Variants in DLC1 observed in about 807,000 individuals in gnomAD.
DLC1 encodes rho GTPase-activating protein 7.
In DLC1, 54 loss-of-function variants were observed where a neutral mutation model predicts 140.3. The ratio of observed to expected loss-of-function variants is 0.38; its 90% CI spans 0.31 to 0.48. The LOEUF (loss-of-function observed/expected upper bound fraction) is 0.48, where lower values mean the gene tolerates loss of function less well. DLC1 is among the 20% of genes least tolerant of loss of function. The pLI, the probability that DLC1 is intolerant of heterozygous loss-of-function variation, is 0.96. For synonymous variants in DLC1, 986 were observed against 728.1 expected, an observed-to-expected ratio of 1.35 and a Z score of -5.70; for missense variants, 2,536 against 1,907.0, an observed-to-expected ratio of 1.33 and a Z score of -6.14.
At chr8:13,185,285 T>TA (rs1278113730) in intron 5 of DLC1, among the ~76,000 whole-genome samples, 1 of 140,588 alleles carries the variant, frequency 7.1e-6, no homozygotes, top group African/African-American at 2.7e-5. Context: ...TCTTTTCTGT[T>TA]TTTTTTGTTT....
intron 2 of DLC1, among the ~76,000 whole-genome samples, chr8:13,418,426 T>C (rs1838169323): frequency 6.6e-6 from 1 of 152,212 alleles, no homozygotes. Context: ...TTCAGCTTTC[T>C]ACATAAGGCT....
In DLC1 at chr8:13,592,111, G is replaced by A. The variant is rs181672930; in HGVS notation, c.-126+12426C>T. The stretch of plus-strand genomic sequence containing the variant: ...ACATAGGGCCCCAGGACAGTCCAGC[G>A]TTTAGAATTTAAAGAGAGCAAGGGG... On this transcript the variant is annotated intron_variant, in intron 1 of 1. Coordinates refer to the DLC1 transcript ENST00000631382. 7.6e-4 allele frequency among the ~76,000 whole-genome samples: 115 copies of A among 152,090 alleles called. No homozygotes were observed. In the Middle Eastern group the frequency reaches 0.017, roughly 22 times the overall value.
chr8:13,577,476 A>C (rs555333162), intron 1 of DLC1, among the ~76,000 whole-genome samples: 2 of 152,236 alleles, frequency 1.3e-5, no homozygotes, highest in Admixed American at 6.5e-5. Flanking sequence ...TTCTCTTCAG[A>C]TTTTACGTAT....
intron 5 of DLC1, among the ~76,000 whole-genome samples, chr8:13,218,519 A>G (rs2117138478): frequency 6.6e-6 from 1 of 152,142 alleles, no homozygotes; most frequent in Admixed American, 6.6e-5. Flanking sequence ...ATACATGAAA[A>G]GATGCTCAGG....
At chr8:13,498,836 A>T in intron 2 of DLC1, 1 of 533,340 alleles carries the variant, frequency 1.9e-6, no homozygotes, top group African/African-American at 1.9e-5. Context: ...ATAAACCATT[A>T]TACACATTAT....
In DLC1 at chr8:13,604,146, G is replaced by T. The variant is rs563431773; in HGVS notation, c.-126+391C>A. Among the ~76,000 whole-genome samples the T allele has an allele frequency of 1.1e-3, 162 of 152,086 alleles. 2 individuals carry two copies. Among genetic ancestry groups the T allele is most frequent in the Middle Eastern group, 6.8e-3 (2 of 294 alleles). On this transcript the variant is annotated intron_variant, in intron 1 of 1. Transcript: ENST00000631382. ...TAGAGGTAGAAACAAAAGTAAAATT[G>T]AAAACTCCAACACATTATCATCTCC...
At chr8:13,553,577 C>G (rs1225635593) in intron 1 of DLC1, among the ~76,000 whole-genome samples, 1 of 151,886 alleles carries the variant, frequency 6.6e-6, no homozygotes, top group East Asian at 2.0e-4. Flanking sequence ...GTCTCAAACT[C>G]CTGGGCTCTG....
chr8:13,276,718 T>A, intron 5 of DLC1: 1 of 568,904 alleles, frequency 1.8e-6, no homozygotes, highest in Non-Finnish European at 2.3e-6. Context: ...GGGCTGCTCC[T>A]GGGTCACATA....
intron 2 of DLC1, among the ~76,000 whole-genome samples, chr8:13,462,527 C>A (rs2117029539): frequency 6.6e-6 from 1 of 151,812 alleles, no homozygotes; most frequent in East Asian, 2.0e-4. Flanking sequence ...CCCCAGCCTC[C>A]CGAGTAGGTG....
At chr8:13,309,854 C>T (rs937968314) in intron 4 of DLC1, among the ~76,000 whole-genome samples, 1 of 152,154 alleles carries the variant, frequency 6.6e-6, no homozygotes, top group Non-Finnish European at 1.5e-5. Context: ...TCAATTGAAA[C>T]ATTCTAATTG....
Position 13,365,779 on chromosome 8 carries a change from T to A in DLC1, c.1314+27774A>T, listed in dbSNP as rs560688580. On this transcript the variant is annotated intron_variant, in intron 4 of 17. Coordinates refer to ENST00000276297, the MANE Select transcript of DLC1 (RefSeq NM_182643.3). Reference sequence around the variant, plus strand: ...GAATAGGGTTGTTATTTAAAAAAATTAAAAAAAATCACTCAACTGCTAATG... The same window carrying A: ...GAATAGGGTTGTTATTTAAAAAAATAAAAAAAAATCACTCAACTGCTAATG... Among the ~76,000 whole-genome samples the A allele has an allele frequency of 3.5e-3, 539 of 151,978 alleles. 5 individuals are homozygous for A. The highest frequency in any genetic ancestry group is 0.012 in the African/African-American group (504 of 41,440).
chr8:13,409,707 G>C (rs1837705426), intron 2 of DLC1, among the ~76,000 whole-genome samples: 1 of 152,074 alleles, frequency 6.6e-6, no homozygotes, highest in Non-Finnish European at 1.5e-5. Flanking sequence ...TCCAATAGAG[G>C]GGTCTCTCAA....
At chr8:13,152,824 G>GGAAAAAAA (rs1554451778) in intron 5 of DLC1, among the ~76,000 whole-genome samples, 2 of 91,346 alleles carry the variant, frequency 2.2e-5, no homozygotes, top group Non-Finnish European at 2.0e-5. Flanking sequence ...CTCTGGGGAA[G>GGAAAAAAA]AAAAAAAAAA....
At chr8:13,542,024 T>A (rs966292761) in intron 1 of DLC1, among the ~76,000 whole-genome samples, 1 of 152,244 alleles carries the variant, frequency 6.6e-6, no homozygotes, top group African/African-American at 2.4e-5. Context: ...TTCTTTCATT[T>A]TCTTAAGAAT....
In DLC1 at chr8:13,102,778, T is replaced by C. The variant is rs1819204725; in HGVS notation, c.1566+12A>G. ...TTTCCCCCTCATTCTATTATGCAAT[T>C]TGTATACTCACTCGTTTCCGATGAG... On this transcript the variant is annotated intron_variant, in intron 8 of 17. Transcript: ENST00000276297. 6.2e-7 allele frequency: 1 copy of C among 1,612,730 alleles called. No individual in the cohort carries two copies.
At chr8:13,525,424 G>C (rs773741726) in intron 1 of DLC1, among the ~76,000 whole-genome samples, 2 of 152,058 alleles carry the variant, frequency 1.3e-5, no homozygotes, top group African/African-American at 4.8e-5. Context: ...TGTTTTCTAA[G>C]GTGGATATAC....
chr8:13,194,957 C>T (rs913082301), intron 5 of DLC1, among the ~76,000 whole-genome samples: 2 of 152,144 alleles, frequency 1.3e-5, no homozygotes, highest in Non-Finnish European at 1.5e-5. Context: ...TTACAGTGAG[C>T]TATGATTGTG....
At chr8:13,531,313 C>T (rs546433575) in intron 1 of DLC1, among the ~76,000 whole-genome samples, 27 of 152,286 alleles carry the variant, frequency 1.8e-4, no homozygotes, top group East Asian at 9.7e-4. Flanking sequence ...GTCCCAGGCA[C>T]GGTGGCTCAT....
In DLC1 at chr8:13,467,493, G is replaced by C. The variant is rs57607132; in HGVS notation, c.1023+31556C>G. Among the ~76,000 whole-genome samples, 849 of 151,118 alleles carry C rather than the reference G, an allele frequency of 5.6e-3. 13 individuals are homozygous for C. The South Asian group carries it at 0.062, about 11-fold the overall frequency. ...TAATGGATGTTGGACTGGATATAGTGGCTCACACCTGTAATCCTAGCACTT... is the reference window on the plus strand; with the variant it reads ...TAATGGATGTTGGACTGGATATAGTCGCTCACACCTGTAATCCTAGCACTT... On this transcript the variant is annotated intron_variant, in intron 2 of 17. Coordinates refer to ENST00000276297, the MANE Select transcript of DLC1 (RefSeq NM_182643.3).
Sources: gnomAD v4.1 joint callset for allele counts (sites outside exome capture counted in the v4.1 genomes callset) on GRCh38, gnomAD v4.1.1 for gene constraint, MANE v1.5 for transcripts, NCBI Gene and HGNC (gene_info 2026-07-23, HGNC 2026-07-21) for gene names.